Variants in SEMA3E observed in about 807,000 individuals in gnomAD.
SEMA3E encodes the protein semaphorin 3E, also known as semaphorin-3E.
In SEMA3E, 49 loss-of-function variants were observed where a neutral mutation model predicts 93.6. That is an observed-to-expected ratio of 0.52 (90% CI 0.42 to 0.66). The LOEUF (loss-of-function observed/expected upper bound fraction) is 0.66, where lower values mean the gene tolerates loss of function less well. Ranked by LOEUF, SEMA3E falls within the 30% of genes least tolerant of loss-of-function variation. SEMA3E has a pLI of 0.00. For missense variants in SEMA3E, 906 were observed against 964.8 expected (o/e 0.94, Z 0.81); for synonymous variants, 363 against 330.7 (o/e 1.10, Z -1.06).
At chr7:83,462,334 TA>T (rs1789644393) in intron 4 of SEMA3E, among the ~76,000 whole-genome samples, 3 of 152,218 alleles carry the variant, frequency 2.0e-5, no homozygotes, top group Non-Finnish European at 4.4e-5. Context: ...CTAAACTTCT[TA>T]AAACTCCCCA....
intron 1 of SEMA3E, among the ~76,000 whole-genome samples, chr7:83,509,269 A>G (rs1790764482): frequency 6.6e-6 from 1 of 152,198 alleles, no homozygotes. Flanking sequence ...AAATGAGGAT[A>G]ATATTAGGTG....
At chr7:83,563,472 C>T (rs1338437088) in intron 1 of SEMA3E, among the ~76,000 whole-genome samples, 1 of 152,162 alleles carries the variant, frequency 6.6e-6, no homozygotes, top group East Asian at 1.9e-4. Flanking sequence ...CACAGGTGGT[C>T]TCTGGACCAG....
intron 8 of SEMA3E, 47 bp downstream of exon 8, chr7:83,405,898 A>C: frequency 7.7e-7 from 1 of 1,296,534 alleles, no homozygotes; most frequent in Non-Finnish European, 1.1e-6. Flanking sequence ...AGTTATAAAG[A>C]AGCATATACA....
chr7:83,493,701 C>T (rs1022543266), intron 1 of SEMA3E, among the ~76,000 whole-genome samples: 2 of 151,922 alleles, frequency 1.3e-5, no homozygotes, highest in Non-Finnish European at 2.9e-5. Flanking sequence ...GACATTAAGA[C>T]TTGTCAGTAG....
At chr7:83,445,584 G>T (rs1243175687) in intron 4 of SEMA3E, among the ~76,000 whole-genome samples, 1 of 152,140 alleles carries the variant, frequency 6.6e-6, no homozygotes, top group Non-Finnish European at 1.5e-5. Flanking sequence ...TGGGCGTCCT[G>T]GTGGGTGCCT....
intron 3 of SEMA3E, among the ~76,000 whole-genome samples, chr7:83,467,057 CTTTTTTTTT>C (rs59059670): frequency 2.6e-5 from 3 of 117,166 alleles, no homozygotes; most frequent in Admixed American, 9.2e-5. Flanking sequence ...AATATGCAGT[CTTTTTTTTT>C]TTTTTTTTTT....
intron 1 of SEMA3E, among the ~76,000 whole-genome samples, chr7:83,524,871 A>G (rs34930685): frequency 0.53 from 79,856 of 151,382 alleles, 23,406 homozygotes; most frequent in Middle Eastern, 0.7. Flanking sequence ...GCTTGGCAGC[A>G]CAGTGGACTA....
At chr7:83,583,788 C>G (rs1456575519) in intron 1 of SEMA3E, among the ~76,000 whole-genome samples, 1 of 152,106 alleles carries the variant, frequency 6.6e-6, no homozygotes, top group Non-Finnish European at 1.5e-5. Flanking sequence ...AAGATACATT[C>G]AAGAAGAGAT....
chr7:83,538,201 C>A (rs1791444696), intron 1 of SEMA3E, among the ~76,000 whole-genome samples: 1 of 152,052 alleles, frequency 6.6e-6, no homozygotes, highest in East Asian at 1.9e-4. Flanking sequence ...GTTTTCATTT[C>A]TCTTGGGTAT....
In SEMA3E at chr7:83,461,663, G is replaced by A. The variant is rs996204352; in HGVS notation, c.456+4819C>T. On this transcript the variant is annotated intron_variant, in intron 4 of 16. Coordinates refer to ENST00000643230, the MANE Select transcript of SEMA3E (RefSeq NM_012431.3). ...CACTTTACAGCCCTAGACCCTAAAA[G>A]GTCAAAAGGCCGTCTTATTCTCAAA... Among the ~76,000 whole-genome samples, 8 of 151,980 alleles carry A rather than the reference G, an allele frequency of 5.3e-5. No individual in the cohort carries two copies. In the South Asian group the frequency reaches 8.3e-4, roughly 16 times the overall value.
intron 2 of SEMA3E, among the ~76,000 whole-genome samples, chr7:83,486,204 G>A (rs1014220168): frequency 7.2e-5 from 11 of 152,092 alleles, no homozygotes; most frequent in African/African-American, 2.7e-4. Context: ...TCTGAATCTT[G>A]TTTATAGATA....
intron 1 of SEMA3E, among the ~76,000 whole-genome samples, chr7:83,537,189 A>C (rs1262943031): frequency 6.6e-6 from 1 of 152,202 alleles, no homozygotes; most frequent in African/African-American, 2.4e-5. Context: ...TCTTGGACTT[A>C]GCCTCCAGAA....
At position 83,539,868 on chromosome 7, in the gene SEMA3E, T is replaced by C. The variant is rs1024301202; in HGVS notation, c.116-49594A>G. Among the ~76,000 whole-genome samples the C allele has an allele frequency of 6.7e-5, 10 of 149,298 alleles. 1 individual carries two copies. The highest frequency in any genetic ancestry group is 6.7e-5 in the Admixed American group (1 of 14,872). On this transcript the variant is annotated intron_variant, in intron 1 of 16. Coordinates refer to ENST00000643230, the MANE Select transcript of SEMA3E (RefSeq NM_012431.3). ...GTTTTGTTGTTTCTGTGTGTGTGTGTGTGTGTGTGTGTGTGTGTGTGTGTG... is the reference window on the plus strand; with the variant it reads ...GTTTTGTTGTTTCTGTGTGTGTGTGCGTGTGTGTGTGTGTGTGTGTGTGTG...
At chr7:83,622,480 A>C (rs1003518301) in intron 1 of SEMA3E, among the ~76,000 whole-genome samples, 1 of 152,066 alleles carries the variant, frequency 6.6e-6, no homozygotes, top group Non-Finnish European at 1.5e-5. Flanking sequence ...CCATTACTGG[A>C]TATATACCCA....
At chr7:83,396,196 TTTA>T (rs1241029398) in intron 12 of SEMA3E, among the ~76,000 whole-genome samples, 14 of 149,210 alleles carry the variant, frequency 9.4e-5, no homozygotes, top group African/African-American at 2.4e-4. Flanking sequence ...TCATGTCTTT[TTTA>T]TTATCATCTT....
At chr7:83,542,543 T>C (rs1296942991) in intron 1 of SEMA3E, among the ~76,000 whole-genome samples, 1 of 152,144 alleles carries the variant, frequency 6.6e-6, no homozygotes, top group African/African-American at 2.4e-5. Flanking sequence ...ACTTTGTTCA[T>C]TAGAATTTTG....
rs1216234612 is a variant in SEMA3E, at chr7:83,489,282, T to G, written c.276+832A>C. On this transcript the variant is annotated intron_variant, in intron 2 of 16. Transcript: ENST00000643230. Reference sequence around the variant, plus strand: ...AAATGAAACATATCAATAAACAGTATGCAAATGTTATTTTGAAATATGTAG... The same window carrying G: ...AAATGAAACATATCAATAAACAGTAGGCAAATGTTATTTTGAAATATGTAG... Among the ~76,000 whole-genome samples, 4 of 152,084 alleles carry G rather than the reference T, an allele frequency of 2.6e-5. No homozygotes were observed. In the East Asian group the frequency reaches 7.7e-4, roughly 29 times the overall value.
chr7:83,502,181 T>G (rs2115606009), intron 1 of SEMA3E, among the ~76,000 whole-genome samples: 1 of 152,292 alleles, frequency 6.6e-6, no homozygotes, highest in South Asian at 2.1e-4. Flanking sequence ...GCATCTCCTC[T>G]ACCACCTCTC....
At chr7:83,632,090 G>A (rs957350322) in intron 1 of SEMA3E, among the ~76,000 whole-genome samples, 1 of 151,644 alleles carries the variant, frequency 6.6e-6, no homozygotes, top group African/African-American at 2.4e-5. Flanking sequence ...GGGAGGCAGA[G>A]GTTGCAGTGA....
Sources: gnomAD v4.1 joint callset for allele counts (sites outside exome capture counted in the v4.1 genomes callset) on GRCh38, gnomAD v4.1.1 for gene constraint, MANE v1.5 for transcripts, NCBI Gene and HGNC (gene_info 2026-07-23, HGNC 2026-07-21) for gene names.